The following ZC3H12B variants were observed in gnomAD, a reference collection of about 807,000 sequenced individuals.
ZC3H12B encodes the protein zinc finger CCCH-type containing 12B, also known as probable ribonuclease ZC3H12B.
In ZC3H12B, 7 loss-of-function variants were observed where a neutral mutation model predicts 43.9. The observed-to-expected ratio is 0.16, with a 90% CI of 0.09 to 0.30. The LOEUF (loss-of-function observed/expected upper bound fraction) is 0.30, where lower values mean the gene tolerates loss of function less well. Among genes scored for constraint, ZC3H12B ranks in the 10% least tolerant of loss-of-function variants. ZC3H12B has a pLI of 1.00. For synonymous variants in ZC3H12B, 222 were observed against 241.7 expected (o/e 0.92, Z 0.76); for missense variants, 475 against 670.2 (o/e 0.71, Z 3.22).
chrX:65,176,666 C>T, the ZC3H12B span, among the ~76,000 whole-genome samples: 1 of 111,992 alleles, frequency 8.9e-6, no homozygotes, highest in Non-Finnish European at 1.9e-5. Flanking sequence ...TGCACACAAA[C>T]TAGAAAATCT....
intron 3 of ZC3H12B, among the ~76,000 whole-genome samples, chrX:65,416,786 CA>C (rs57825587): frequency 0.018 from 1,517 of 82,549 alleles, 23 homozygotes; most frequent in African/African-American, 0.046. Context: ...GAGACTCCGT[CA>C]AAAAAAAAAA....
the ZC3H12B span, chrX:65,271,342 CAAAG>C: frequency 2.7e-4 from 30 of 112,606 alleles, no homozygotes; most frequent in Non-Finnish European, 3.6e-4. Flanking sequence ...AAGTAAATGA[CAAAG>C]AAACATTTTA....
At chrX:65,272,473 G>A in the ZC3H12B span, 1 of 111,560 alleles carries the variant, frequency 9.0e-6, no homozygotes, top group African/African-American at 3.3e-5. Context: ...CTACTAACAT[G>A]CTGGGAGCTG....
chrX:65,289,654 C>G, the ZC3H12B span, among the ~76,000 whole-genome samples: 1 of 109,445 alleles, frequency 9.1e-6, no homozygotes, highest in African/African-American at 3.3e-5. Context: ...GACATTGATC[C>G]ATGGAACAGA....
chrX:65,212,546 ATATAT>A, the ZC3H12B span, among the ~76,000 whole-genome samples: 26 of 76,988 alleles, frequency 3.4e-4, no homozygotes, highest in African/African-American at 6.8e-4. Context: ...ATGTATATTT[ATATAT>A]TATATTATAT....
intron 2 of ZC3H12B, among the ~76,000 whole-genome samples, chrX:65,398,090 TA>T (rs1307454554): frequency 9.0e-6 from 1 of 111,704 alleles, no homozygotes; most frequent in African/African-American, 3.3e-5. Flanking sequence ...AATTTTTTTT[TA>T]AATTAAACAT....
intron 3 of ZC3H12B, among the ~76,000 whole-genome samples, chrX:65,451,705 A>G (rs1235938779): frequency 8.9e-6 from 1 of 111,962 alleles, no homozygotes. Context: ...ATGTCTTTGT[A>G]AATGGGAAGA....
the ZC3H12B span, among the ~76,000 whole-genome samples, chrX:65,083,196 G>T: frequency 0.23 from 25,528 of 110,303 alleles, 7,153 homozygotes; most frequent in African/African-American, 0.8. Context: ...CTCTAGACTC[G>T]GGAATGCAAC....
chrX:65,235,589 G>T, the ZC3H12B span, among the ~76,000 whole-genome samples: 1 of 111,085 alleles, frequency 9.0e-6, no homozygotes, highest in Non-Finnish European at 1.9e-5. Flanking sequence ...TCCCAGCCTG[G>T]ATTGCTTGCC....
chrX:65,113,229 TCTTATG>T, the ZC3H12B span, among the ~76,000 whole-genome samples: 1 of 111,755 alleles, frequency 8.9e-6, no homozygotes, highest in Non-Finnish European at 1.9e-5. Flanking sequence ...AAGAGTTGCT[TCTTATG>T]GCTCAGCAAA....
the ZC3H12B span, among the ~76,000 whole-genome samples, chrX:65,238,715 G>T: frequency 9.0e-6 from 1 of 111,601 alleles, no homozygotes; most frequent in Non-Finnish European, 1.9e-5. Flanking sequence ...TTTGTAATGT[G>T]GGCATTCAGT....
chrX:65,224,030 T>G, the ZC3H12B span, among the ~76,000 whole-genome samples: 1 of 112,216 alleles, frequency 8.9e-6, no homozygotes, highest in African/African-American at 3.2e-5. Flanking sequence ...AATTCACAAT[T>G]GCAAAAATAT....
At chrX:65,189,003 G>A in the ZC3H12B span, among the ~76,000 whole-genome samples, 1 of 88,420 alleles carries the variant, frequency 1.1e-5, no homozygotes, top group Non-Finnish European at 2.1e-5. Flanking sequence ...GTGTCCATGT[G>A]ATCTCATTGT....
the ZC3H12B span, among the ~76,000 whole-genome samples, chrX:65,104,324 A>T: frequency 8.9e-6 from 1 of 112,150 alleles, no homozygotes; most frequent in African/African-American, 3.2e-5. Flanking sequence ...AAGAAAATCT[A>T]GGCAATACCA....
chrX:65,502,131 A>G (rs1390745268), exon 5 of ZC3H12B: 1 of 1,209,007 alleles, frequency 8.3e-7, no homozygotes. Flanking sequence ...CCACCCCCCA[A>G]AAGCCATGCA....
chrX:65,249,796 ATTTT>A, the ZC3H12B span, among the ~76,000 whole-genome samples: 228 of 48,925 alleles, frequency 4.7e-3, 2 homozygotes, highest in African/African-American at 0.018. Context: ...ATTCCTAAGT[ATTTT>A]TTTTTTTTTT....
At chrX:65,387,335 G>T (rs1176079172) in intron 2 of ZC3H12B, among the ~76,000 whole-genome samples, 1 of 111,722 alleles carries the variant, frequency 9.0e-6, no homozygotes, top group Non-Finnish European at 1.9e-5. Flanking sequence ...CCTGTGTTGG[G>T]TGCATACATA....
intron 3 of ZC3H12B, among the ~76,000 whole-genome samples, chrX:65,461,695 C>T (rs1225205198): frequency 9.0e-6 from 1 of 110,622 alleles, no homozygotes; most frequent in Non-Finnish European, 1.9e-5. Flanking sequence ...CACACTAGGG[C>T]CTGTTGTGGG....
the ZC3H12B span, among the ~76,000 whole-genome samples, chrX:65,117,781 G>A: frequency 2.7e-5 from 3 of 111,647 alleles, no homozygotes; most frequent in Admixed American, 9.5e-5. Flanking sequence ...TCTACATATG[G>A]CTATCCAGTT....
Sources: gnomAD v4.1 joint callset for allele counts (sites outside exome capture counted in the v4.1 genomes callset) on GRCh38, gnomAD v4.1.1 for gene constraint, MANE v1.5 for transcripts, NCBI Gene and HGNC (gene_info 2026-07-23, HGNC 2026-07-21) for gene names.